ASIC2: variants seen among roughly 807,000 people sequenced by gnomAD.
The protein encoded by ASIC2 is acid sensing ion channel subunit 2.
ASIC2 carries 25 observed loss-of-function variants against 57.3 expected under a neutral mutation model. The observed-to-expected ratio is 0.44, with a 90% confidence interval of 0.32 to 0.61. The LOEUF is 0.61. Among genes scored for constraint, ASIC2 ranks in the 20% least tolerant of loss-of-function variants. The pLI, the probability that ASIC2 is intolerant of heterozygous loss-of-function variation, is 0.06. For missense variants in ASIC2, 641 were observed against 738.1 expected, an observed-to-expected ratio of 0.87 and a Z score of 1.52; for synonymous variants, 319 against 307.5, an observed-to-expected ratio of 1.04 and a Z score of -0.39.
At chr17:33,698,154 C>A (rs1402835450) in intron 1 of ASIC2, among the ~76,000 whole-genome samples, 19 of 152,100 alleles carry the variant, frequency 1.2e-4, no homozygotes. Context: ...GTTATAATAC[C>A]AGCATGCTAT....
chr17:33,541,562 C>T (rs998536050), intron 1 of ASIC2, among the ~76,000 whole-genome samples: 1 of 152,152 alleles, frequency 6.6e-6, no homozygotes, highest in Non-Finnish European at 1.5e-5. Flanking sequence ...AATAGGGAGG[C>T]TCAACGGAAA....
At chr17:33,956,825 G>A (rs2141988950) in intron 1 of ASIC2, among the ~76,000 whole-genome samples, 1 of 152,330 alleles carries the variant, frequency 6.6e-6, no homozygotes, top group South Asian at 2.1e-4. Context: ...CTGGTCCCCA[G>A]CTAGATGAGC....
chr17:33,202,017 C>CAAAAAAAAAAAAAAAA (rs55724157), intron 1 of ASIC2, among the ~76,000 whole-genome samples: 3 of 92,290 alleles, frequency 3.3e-5, no homozygotes, highest in Non-Finnish European at 6.7e-5. Context: ...GAGACTGTCT[C>CAAAAAAAAAAAAAAAA]AAAAAAAAAA....
At chr17:34,015,068 C>CTTTTT (rs776970617) in intron 1 of ASIC2, among the ~76,000 whole-genome samples, 4 of 129,642 alleles carry the variant, frequency 3.1e-5, no homozygotes, top group African/African-American at 5.8e-5. Context: ...TTTCTTCTGC[C>CTTTTT]TTTTTTTTTT....
At chr17:33,820,543 A>G (rs1307984535) in intron 1 of ASIC2, among the ~76,000 whole-genome samples, 1 of 152,220 alleles carries the variant, frequency 6.6e-6, no homozygotes, top group Non-Finnish European at 1.5e-5. Flanking sequence ...TTTGATGCCA[A>G]TATACGTGTA....
At chr17:33,736,872 T>A (rs533727459) in intron 1 of ASIC2, among the ~76,000 whole-genome samples, 2 of 152,372 alleles carry the variant, frequency 1.3e-5, no homozygotes, top group South Asian at 4.1e-4. Context: ...AAGACATATA[T>A]CATGGGCATG....
intron 1 of ASIC2, among the ~76,000 whole-genome samples, chr17:33,411,773 G>C (rs1910669856): frequency 6.6e-6 from 1 of 152,176 alleles, no homozygotes; most frequent in South Asian, 2.1e-4. Context: ...ACTGAGCGAG[G>C]TATCTTTGGC....
chr17:33,789,599 T>C (rs1318238237), intron 1 of ASIC2, among the ~76,000 whole-genome samples: 2 of 152,146 alleles, frequency 1.3e-5, no homozygotes, highest in Non-Finnish European at 2.9e-5. Flanking sequence ...TATATTTTGA[T>C]AACATTTGCA....
Position 33,969,538 on chromosome 17 carries a change from A to C in ASIC2, c.555+186440T>G, listed in dbSNP as rs534542015. 1.3e-3 allele frequency among the ~76,000 whole-genome samples: 198 copies of C among 152,296 alleles called. 2 individuals carry two copies. The highest frequency in any genetic ancestry group is 4.5e-3 in the African/African-American group (189 of 41,556). ...GAGGATCTGGGGAACAAGAAAGGGG[A>C]AGGCAGGAAGCAATGCAGGGTGCAT... On this transcript the variant is annotated intron_variant, in intron 1 of 9. Coordinates refer to the ASIC2 transcript ENST00000359872.
chr17:34,151,105 G>GAAAAAAA (rs56803983), intron 1 of ASIC2, among the ~76,000 whole-genome samples: 1 of 125,294 alleles, frequency 8.0e-6, no homozygotes, highest in African/African-American at 2.8e-5. Context: ...TCCATCTCAA[G>GAAAAAAA]AAAAAAAAAA....
At chr17:33,803,115 C>T (rs1912175880) in intron 1 of ASIC2, among the ~76,000 whole-genome samples, 1 of 152,148 alleles carries the variant, frequency 6.6e-6, no homozygotes, top group African/African-American at 2.4e-5. Context: ...TAGAGTGCTT[C>T]AACTTGGGGT....
At chr17:33,629,459 A>C (rs1421260266) in intron 1 of ASIC2, among the ~76,000 whole-genome samples, 2 of 152,190 alleles carry the variant, frequency 1.3e-5, no homozygotes, top group Non-Finnish European at 2.9e-5. Context: ...CAGTTTTTAT[A>C]AAGTATCTAT....
chr17:33,275,023 C>T (rs894183938), intron 1 of ASIC2, among the ~76,000 whole-genome samples: 2 of 152,160 alleles, frequency 1.3e-5, no homozygotes, highest in African/African-American at 2.4e-5. Context: ...GAACCTCATG[C>T]CCCTAGAGAG....
chr17:34,080,622 G>T (rs998873986), intron 1 of ASIC2, among the ~76,000 whole-genome samples: 1 of 152,216 alleles, frequency 6.6e-6, no homozygotes, highest in Non-Finnish European at 1.5e-5. Context: ...TCTAAAGTAG[G>T]CTAGGTGAAG....
At chr17:33,876,049 A>G (rs969022304) in intron 1 of ASIC2, among the ~76,000 whole-genome samples, 5 of 152,214 alleles carry the variant, frequency 3.3e-5, no homozygotes, top group Non-Finnish European at 5.9e-5. Context: ...CGAGTAGAGG[A>G]GCATATTATT....
chr17:33,553,199 C>T (rs1270808403), intron 1 of ASIC2, among the ~76,000 whole-genome samples: 1 of 152,156 alleles, frequency 6.6e-6, no homozygotes, highest in Non-Finnish European at 1.5e-5. Context: ...TAGGGGTCTT[C>T]TCTGGGGCCA....
chr17:33,878,473 T>C (rs1450030017), intron 1 of ASIC2, among the ~76,000 whole-genome samples: 1 of 152,150 alleles, frequency 6.6e-6, no homozygotes, highest in Non-Finnish European at 1.5e-5. Flanking sequence ...CAAGCCTCAA[T>C]AGCCGATTCG....
chr17:33,037,112 A>G (rs2091911724), intron 3 of ASIC2, among the ~76,000 whole-genome samples: 1 of 146,652 alleles, frequency 6.8e-6, no homozygotes, highest in African/African-American at 2.6e-5. Context: ...ATTAAAAAAA[A>G]TTAGCCAGGT....
At chr17:33,137,405 A>G (rs1325651032) in intron 1 of ASIC2, among the ~76,000 whole-genome samples, 6 of 152,232 alleles carry the variant, frequency 3.9e-5, no homozygotes, top group African/African-American at 1.4e-4. Context: ...ATTTAAGGGC[A>G]ATGGTACATT....
Sources: allele counts gnomAD v4.1 joint callset (sites outside exome capture counted in the v4.1 genomes callset), GRCh38; gene constraint gnomAD v4.1.1; transcripts MANE v1.5; gene names NCBI Gene and HGNC (gene_info 2026-07-23, HGNC 2026-07-21).